Variants in IMPDH1 observed in about 807,000 individuals in gnomAD.
IMPDH1 encodes inosine monophosphate dehydrogenase 1.
A neutral mutation model predicts 73.5 loss-of-function variants in IMPDH1; 41 were observed. The observed-to-expected ratio is 0.56, with a 90% CI of 0.43 to 0.72. The LOEUF (loss-of-function observed/expected upper bound fraction) is 0.72, where lower values mean the gene tolerates loss of function less well. IMPDH1 is among the 30% of genes least tolerant of loss of function. IMPDH1 has a pLI of 0.00. For synonymous variants in IMPDH1, 318 were observed against 334.3 expected (o/e 0.95, Z 0.53); for missense variants, 645 against 824.8 (o/e 0.78, Z 2.67).
intron 3 of IMPDH1, 129 bp from the exon 4 acceptor site, chr7:128,405,994 G>GGC: frequency 3.2e-6 from 2 of 626,728 alleles, no homozygotes; most frequent in Non-Finnish European, 4.0e-6. Flanking sequence ...CGGGCCGGGG[G>GGC]CGGGGGCGGG....
Position 128,398,305 on chromosome 7 carries a change from T to TAG in IMPDH1, c.1074+107_1074+108dup, listed in dbSNP as rs1396593422. On this transcript the variant is annotated intron_variant, in intron 10 of 16. Coordinates refer to ENST00000338791, the MANE Select transcript of IMPDH1 (RefSeq NM_000883.4). This position sits in a 1 kb window ranked among gnomAD's most constrained non-coding sequence, Gnocchi z 4.3. ...AGCACTCAGAAAGAGAGAGGAAGAGTAGCAAGGGAGGGGCACAGGCTTAAT... is the reference window on the plus strand; with the variant it reads ...AGCACTCAGAAAGAGAGAGGAAGAGTAGAGCAAGGGAGGGGCACAGGCTTAAT... 1 of 828,694 alleles carries TAG rather than the reference T, an allele frequency of 1.2e-6. No individual in the cohort carries two copies. The highest frequency in any genetic ancestry group is 1.7e-5 in the African/African-American group (1 of 59,028). The allele number at this position is 828,694 out of a possible 1,614,324, so 51.3% of individuals were successfully genotyped here.
rs371840866 is a variant in IMPDH1, at chr7:128,398,642, G to A, written c.875-29C>T. 6.3e-7 allele frequency: 1 copy of A among 1,590,628 alleles called. No homozygotes were observed. The highest frequency in any genetic ancestry group is 8.6e-7 in the Non-Finnish European group (1 of 1,159,906). ...ACAAGGAATGCAGGGGTGAAATGAA[G>A]CAGGCTTGGTGGGGAGAAGTTTGGG... On this transcript the variant is annotated intron_variant, in intron 9 of 16. Coordinates refer to ENST00000338791, the MANE Select transcript of IMPDH1 (RefSeq NM_000883.4). The surrounding 1 kb of genome is among the most constrained non-coding windows in gnomAD (Gnocchi z 4.3).
At chr7:128,408,574 G>A (rs1222088712) in intron 3 of IMPDH1, among the ~76,000 whole-genome samples, 3 of 5,964 alleles carry the variant, frequency 5.0e-4, no homozygotes, top group African/African-American at 2.3e-3. Context: ...GGGGGTGCGG[G>A]TCGGTTGGGG....
chr7:128,399,171 C>A (rs1327055467), intron 9 of IMPDH1, among the ~76,000 whole-genome samples: 1 of 151,942 alleles, frequency 6.6e-6, no homozygotes, highest in African/African-American at 2.4e-5. Flanking sequence ...CAAGAACAGC[C>A]CGGCCAATAT....
At position 128,394,249 on chromosome 7, in the gene IMPDH1, A is replaced by G. The variant is rs552787231; in HGVS notation, c.1778+29T>C. ...CCACCTGCCCAACCCACTGCCTCCAAGTGACAGCAAGGAGGCCACCACACT... is the reference window on the plus strand; with the variant it reads ...CCACCTGCCCAACCCACTGCCTCCAGGTGACAGCAAGGAGGCCACCACACT... On this transcript the variant is annotated intron_variant, in intron 16 of 16. Transcript: ENST00000338791. This position sits in a 1 kb window ranked among gnomAD's most constrained non-coding sequence, Gnocchi z 5.5. The G allele has an allele frequency of 6.3e-7, 1 of 1,587,040 alleles. No homozygotes were observed. Among genetic ancestry groups the G allele is most frequent in the Non-Finnish European group, 8.7e-7 (1 of 1,155,820 alleles).
chr7:128,401,902 C>T (rs1230163402), intron 5 of IMPDH1, among the ~76,000 whole-genome samples: 1 of 152,180 alleles, frequency 6.6e-6, no homozygotes, highest in Non-Finnish European at 1.5e-5. Flanking sequence ...TAGTGGATCC[C>T]AGTCCCCAAG....
rs1798299290 is a variant in IMPDH1 at position 128,401,035 on chromosome 7, C to T, written c.484G>A (p.Asp162Asn). Residue 162 changes from aspartate to asparagine, a missense_variant, in exon 6 of 17, where the codon GAC becomes AAC. Coordinates refer to ENST00000338791, the MANE Select transcript of IMPDH1 (RefSeq NM_000883.4). ...SSPMDTVTEADMAIAMALMGG... is the reference protein window; with the variant it reads ...SSPMDTVTEANMAIAMALMGG... The stretch of plus-strand genomic sequence containing the variant: ...CTCACAGCCATGGCAATGGCCATGT[C>T]AGCCTCTGTCACAGTGTCCATGGGG... The T allele has an allele frequency of 1.9e-6, 3 of 1,614,018 alleles. No individual in the cohort carries two copies. The highest frequency in any genetic ancestry group is 2.5e-6 in the Non-Finnish European group (3 of 1,179,876).
chr7:128,405,371 C>T (rs1472249250), intron 4 of IMPDH1, among the ~76,000 whole-genome samples: 3 of 152,222 alleles, frequency 2.0e-5, no homozygotes, highest in Admixed American at 6.5e-5. Flanking sequence ...CATGCGGAAG[C>T]GGCTGCTTAA....
chr7:128,403,777 G>T (rs758796890), intron 4 of IMPDH1, 23 bp from the exon 5 acceptor site: 8 of 1,611,130 alleles, frequency 5.0e-6, no homozygotes, highest in Non-Finnish European at 6.8e-6. Flanking sequence ...AGAAGTGAGT[G>T]TTATTAGTGG....
In IMPDH1 at chr7:128,400,551, G is replaced by A. The variant is rs750645467; in HGVS notation, c.580-12C>T. On this transcript the variant is annotated splice_polypyrimidine_tract_variant and intron_variant, in intron 7 of 16. Coordinates refer to ENST00000338791, the MANE Select transcript of IMPDH1 (RefSeq NM_000883.4). ...CCCTGTTCAAACTTCTGCGGGCAGAGATGGGGGAGGAAAAGGCTGGAAGAA... is the reference window on the plus strand; with the variant it reads ...CCCTGTTCAAACTTCTGCGGGCAGAAATGGGGGAGGAAAAGGCTGGAAGAA... The A allele has an allele frequency of 7.0e-5, 113 of 1,609,016 alleles. No individual in the cohort carries two copies. Among genetic ancestry groups the A allele is most frequent in the Non-Finnish European group, 9.0e-5 (106 of 1,177,776 alleles).
chr7:128,409,298 C>G lies in IMPDH1; in HGVS notation c.245G>C (p.Arg82Pro). The G allele has an allele frequency of 6.2e-7, 1 of 1,613,924 alleles. No homozygotes were observed. ...GGGAGAGTGTCCTCACCTAGCCCTGCGAAGGCGATCCATCTGGACACCAAC... is the reference window on the plus strand; with the variant it reads ...GGGAGAGTGTCCTCACCTAGCCCTGGGAAGGCGATCCATCTGGACACCAAC... ...AGVGVQMDRL[R>P]RASMADYLIS... Residue 82 changes from arginine (R) to proline (P), a missense_variant, in exon 3 of 17, where the codon CGC (arginine) becomes CCC (proline). By Grantham distance (103) the Arg-to-Pro change is moderately radical (BLOSUM62 -2). This residue lies in a region of IMPDH1 where 186 missense variants were observed against 186.6 expected (regional missense o/e 1.00). Transcript: ENST00000338791.
Position 128,400,525 on chromosome 7 carries a change from G to C in IMPDH1, c.594C>G (p.Gly198=). 1 of 1,612,800 alleles carries C rather than the reference G, an allele frequency of 6.2e-7. No individual in the cohort carries two copies. Among genetic ancestry groups the C allele is most frequent in the Non-Finnish European group, 8.5e-7 (1 of 1,179,880 alleles). ...TCAGCACCACAGGGTCCGTGATGAA[G>C]CCCTGTTCAAACTTCTGCGGGCAGA... is the stretch of plus-strand genomic sequence containing the variant. The part of the protein sequence containing the change: ...EVRKVKKFEQ[G]FITDPVVLSP... The change falls in exon 8 of 17, where the codon GGC becomes GGG. Residue 198 remains glycine (G), a synonymous_variant. Transcript: ENST00000338791.
intron 1 of IMPDH1, 115 bp downstream of exon 1, chr7:128,409,641 G>A (rs1468004538): frequency 5.9e-6 from 9 of 1,514,232 alleles, no homozygotes; most frequent in Admixed American, 3.7e-5. Flanking sequence ...GGTAATAGGG[G>A]AAGGGTTTGT....
intron 3 of IMPDH1, 45 bp downstream of exon 3, chr7:128,409,244 C>A (rs759474380): frequency 1.3e-6 from 2 of 1,551,680 alleles, no homozygotes; most frequent in East Asian, 4.6e-5. Context: ...GCACTGGCAG[C>A]CTCTCAGATC....
rs371337802 is a variant in IMPDH1 at position 128,397,002 on chromosome 7, C to T, written c.1095G>A (p.Ser365=). Residue 365 remains serine (S), a synonymous_variant, in exon 11 of 17, where the codon TCG becomes TCA. Transcript: ENST00000338791. Reference sequence around the variant, plus strand: ...AATGCACCATGGCGATCTGATACACCGAATTCCCTTGGGACGAGTCCTGTG... The same window carrying T: ...AATGCACCATGGCGATCTGATACACTGAATTCCCTTGGGACGAGTCCTGTG... ...VIVLDSSQGN[S]VYQIAMVHYI... 7.3e-5 allele frequency: 117 copies of T among 1,613,762 alleles called. No individual in the cohort carries two copies. The highest frequency in any genetic ancestry group is 9.6e-5 in the Non-Finnish European group (113 of 1,179,806).
chr7:128,398,391 C>T lies in IMPDH1; in HGVS notation c.1074+23G>A. The T allele has an allele frequency of 6.2e-7, 1 of 1,605,442 alleles. No individual in the cohort carries two copies. The highest frequency in any genetic ancestry group is 2.2e-5 in the East Asian group (1 of 44,840). On this transcript the variant is annotated intron_variant, in intron 10 of 16. Transcript: ENST00000338791. The surrounding 1 kb of genome is among the most constrained non-coding windows in gnomAD (Gnocchi z 4.3). ...TGCTGAACCACTCATCCATCTCCCCCACCACTCAGGCGGGGGCCTTACCAA... is the reference window on the plus strand; with the variant it reads ...TGCTGAACCACTCATCCATCTCCCCTACCACTCAGGCGGGGGCCTTACCAA...
Position 128,409,427 on chromosome 7 carries a change from G to A in IMPDH1, c.190+14C>T, listed in dbSNP as rs1798989356. ...TCCAGCAAGCACTGTTTGAACCCCAGGAGTTGGAGCCACCTGAACGGGGTG... is the reference window on the plus strand; with the variant it reads ...TCCAGCAAGCACTGTTTGAACCCCAAGAGTTGGAGCCACCTGAACGGGGTG... On this transcript the variant is annotated intron_variant, in intron 2 of 16. Transcript: ENST00000338791. The A allele has an allele frequency of 3.1e-6, 5 of 1,614,100 alleles. No individual in the cohort carries two copies. Among genetic ancestry groups the A allele is most frequent in the East Asian group, 2.2e-5 (1 of 44,902 alleles).
At chr7:128,402,711 TG>T (rs949978229) in intron 5 of IMPDH1, among the ~76,000 whole-genome samples, 8 of 151,936 alleles carry the variant, frequency 5.3e-5, no homozygotes, top group African/African-American at 7.2e-5. Flanking sequence ...AGAAAAGAAA[TG>T]TTTTTTTTTT....
intron 5 of IMPDH1, among the ~76,000 whole-genome samples, chr7:128,402,835 T>G (rs76951139): frequency 0.082 from 12,551 of 152,310 alleles, 658 homozygotes; most frequent in Non-Finnish European, 0.12. Context: ...TGTTCATTGA[T>G]TCGGCTCACT....
Sources: allele counts gnomAD v4.1 joint callset (sites outside exome capture counted in the v4.1 genomes callset), GRCh38; gene constraint gnomAD v4.1.1; regional missense constraint gnomAD v4.1.1; non-coding constraint Gnocchi (gnomAD v3.1); transcripts MANE v1.5; gene names NCBI Gene and HGNC (gene_info 2026-07-23, HGNC 2026-07-21).